The following ALDH1A3 variants were observed in gnomAD, a reference collection of about 807,000 sequenced individuals.
ALDH1A3 encodes the protein retinaldehyde dehydrogenase 3.
Under a neutral mutation model 57.5 loss-of-function variants are expected in ALDH1A3, and 28 were observed. That is an observed-to-expected ratio of 0.49 (90% CI 0.36 to 0.67). The LOEUF (loss-of-function observed/expected upper bound fraction) is 0.67. Ranked by LOEUF, ALDH1A3 falls within the 30% of genes least tolerant of loss-of-function variation. The pLI, the probability that ALDH1A3 is intolerant of heterozygous loss-of-function variation, is 0.00. For missense variants in ALDH1A3, 507 were observed against 669.4 expected, an observed-to-expected ratio of 0.76 and a Z score of 2.68; for synonymous variants, 281 against 264.8, an observed-to-expected ratio of 1.06 and a Z score of -0.59.
intron 3 of ALDH1A3, among the ~76,000 whole-genome samples, chr15:100,888,075 G>A (rs573955429): frequency 6.6e-6 from 1 of 152,120 alleles, no homozygotes; most frequent in South Asian, 2.1e-4. Flanking sequence ...TTTCTTTTTT[G>A]TATAAACTTC....
At position 100,894,365 on chromosome 15, in the gene ALDH1A3, AG is replaced by A. The variant is rs4646667; in HGVS notation, c.666+290del. The A allele has an allele frequency of 1.8e-5, 5 of 274,656 alleles. No individual in the cohort carries two copies. The highest frequency in any genetic ancestry group is 2.7e-5 in the Non-Finnish European group (4 of 145,612). 17.0% of individuals were successfully genotyped at this position (274,656 alleles called of 1,614,324 possible). ...CCAGTGGTTTGTCTAGAGAATTTTCAGGGGGGGTCAACCAAGAGGGAGCCAA... is the reference window on the plus strand; with the variant it reads ...CCAGTGGTTTGTCTAGAGAATTTTCAGGGGGGTCAACCAAGAGGGAGCCAA... On this transcript the variant is annotated intron_variant, in intron 6 of 12. Coordinates refer to ENST00000329841, the MANE Select transcript of ALDH1A3 (RefSeq NM_000693.4). The surrounding 1 kb of genome is among the most constrained non-coding windows in gnomAD (Gnocchi z 4.5).
chr15:100,908,259 G>T (rs564388947), intron 11 of ALDH1A3, 149 bp from the exon 12 acceptor site: 2 of 646,308 alleles, frequency 3.1e-6, no homozygotes, highest in Non-Finnish European at 5.3e-6. Context: ...GAAGACAAAA[G>T]TTGAGAGCAC....
chr15:100,897,594 C>T (rs550211044), intron 7 of ALDH1A3, among the ~76,000 whole-genome samples: 5 of 152,254 alleles, frequency 3.3e-5, no homozygotes, highest in Non-Finnish European at 5.9e-5. Flanking sequence ...TGGCTGCCCT[C>T]GCTACTTCTC....
chr15:100,893,449 T>A lies in ALDH1A3; in HGVS notation c.537+443T>A. ...GCAGGAGCAAAAGTGAGGAAAAGGG[T>A]GAGCACACGTGGCAGGTGGTGTGGG... On this transcript the variant is annotated intron_variant, in intron 5 of 12. Transcript: ENST00000329841. This position sits in a 1 kb window ranked among gnomAD's most constrained non-coding sequence, Gnocchi z 4.8. 5.8e-6 allele frequency: 1 copy of A among 173,070 alleles called. No individual in the cohort carries two copies. The highest frequency in any genetic ancestry group is 1.2e-5 in the Non-Finnish European group (1 of 81,406). 10.7% of individuals were successfully genotyped at this position (173,070 alleles called of 1,614,324 possible). A position where few individuals can be genotyped will look rare whatever the true frequency, so the allele number is the denominator to read the frequency against.
intron 12 of ALDH1A3, among the ~76,000 whole-genome samples, chr15:100,912,038 C>T (rs536893448): frequency 6.6e-6 from 1 of 152,282 alleles, no homozygotes; most frequent in East Asian, 1.9e-4. Context: ...GAAATGGGAG[C>T]AAGCTACATT....
chr15:100,892,391 G>A, intron 3 of ALDH1A3, 119 bp from the exon 4 acceptor site: 1 of 1,332,414 alleles, frequency 7.5e-7, no homozygotes, highest in Non-Finnish European at 1.0e-6. Flanking sequence ...ATCTGACTGT[G>A]AGGTCTACAG....
chr15:100,893,256 C>A lies in ALDH1A3; in HGVS notation c.537+250C>A. 2.5e-6 allele frequency: 1 copy of A among 395,370 alleles called. No individual in the cohort carries two copies. Among genetic ancestry groups the A allele is most frequent in the Non-Finnish European group, 4.5e-6 (1 of 222,558 alleles). 24.5% of individuals were successfully genotyped at this position (395,370 alleles called of 1,614,324 possible). On this transcript the variant is annotated intron_variant, in intron 5 of 12. Coordinates refer to ENST00000329841, the MANE Select transcript of ALDH1A3 (RefSeq NM_000693.4). The surrounding 1 kb of genome is among the most constrained non-coding windows in gnomAD (Gnocchi z 4.8). The stretch of plus-strand genomic sequence containing the variant: ...TCCCAGCCAGAGTGGTCAGGAATGG[C>A]CAGCATTCCCAGGAAGGTGGTCTCT...
At chr15:100,913,441 A>G (rs949467102) in intron 12 of ALDH1A3, 3 of 152,172 alleles carry the variant, frequency 2.0e-5, no homozygotes, top group East Asian at 1.9e-4. Flanking sequence ...TGGTGGCCCC[A>G]TCCTCCATCT....
rs920163356 is a variant in ALDH1A3, at chr15:100,887,375, G to A, written c.205-197G>A. Among the ~76,000 whole-genome samples the A allele has an allele frequency of 8.3e-5, 12 of 144,716 alleles. No homozygotes were observed. Among genetic ancestry groups the A allele is most frequent in the African/African-American group, 2.7e-4 (11 of 40,610 alleles). The allele number at this position is 144,716 out of a possible 152,430, so 94.9% of individuals were successfully genotyped here. ...CTCAAAAGATGACACCCAAACTGCA[G>A]TCACCTCAAAAGATGACACCGAAAC... is the stretch of plus-strand genomic sequence containing the variant. On this transcript the variant is annotated intron_variant, in intron 2 of 12. Transcript: ENST00000329841. This position sits in a 1 kb window ranked among gnomAD's most constrained non-coding sequence, Gnocchi z 4.6.
rs756182131 is a variant in ALDH1A3, at chr15:100,914,824, T to A, written c.*51T>A. 4 of 1,560,818 alleles carry A rather than the reference T, an allele frequency of 2.6e-6. No individual in the cohort carries two copies. Among genetic ancestry groups the A allele is most frequent in the Non-Finnish European group, 3.5e-6 (4 of 1,134,556 alleles). Reference sequence around the variant, plus strand: ...ACATCGGACGGCGGAATGTGGCAGATGAAATGTGCTGGAGGAAAAAAATGA... The same window carrying A: ...ACATCGGACGGCGGAATGTGGCAGAAGAAATGTGCTGGAGGAAAAAAATGA... On this transcript the variant is annotated 3_prime_UTR_variant, in exon 13 of 13. Transcript: ENST00000329841.
intron 7 of ALDH1A3, 83 bp from the exon 8 acceptor site, chr15:100,898,000 G>A: frequency 7.3e-7 from 1 of 1,364,936 alleles, no homozygotes. Context: ...ACCCGGGCTT[G>A]ATCAGAATGT....
In ALDH1A3 at chr15:100,885,356, GGAA is replaced by G. The variant is rs776376945; in HGVS notation, c.194_196del (p.Glu65del). The G allele has an allele frequency of 3.7e-6, 6 of 1,610,286 alleles. No individual in the cohort carries two copies. The highest frequency in any genetic ancestry group is 3.3e-5 in the Admixed American group (2 of 60,020). On this transcript the variant is annotated inframe_deletion, in exon 2 of 13. Transcript: ENST00000329841. ...CAACTCGGGAGCAAATATGTGAAGT[GGAA>G]GAAGGAGATAAGGTAAATACTTAAA... is the stretch of plus-strand genomic sequence containing the variant.
At position 100,887,496 on chromosome 15, in the gene ALDH1A3, T is replaced by G. The variant is rs188711226; in HGVS notation, c.205-76T>G. 1,324 of 1,438,316 alleles carry G rather than the reference T, an allele frequency of 9.2e-4. 1 individual carries two copies. The highest frequency in any genetic ancestry group is 1.2e-3 in the Middle Eastern group (6 of 5,214). The allele number at this position is 1,438,316 out of a possible 1,614,324, so 89.1% of individuals were successfully genotyped here. ...TCAAAAGATGACACCCAAACTTCAGTCACGTCAAAAGATGACACCCAAACT... is the reference window on the plus strand; with the variant it reads ...TCAAAAGATGACACCCAAACTTCAGGCACGTCAAAAGATGACACCCAAACT... On this transcript the variant is annotated intron_variant, in intron 2 of 12. Transcript: ENST00000329841. The surrounding 1 kb of genome is among the most constrained non-coding windows in gnomAD (Gnocchi z 4.6).
chr15:100,892,152 A>G (rs1376096913), intron 3 of ALDH1A3: 3 of 245,274 alleles, frequency 1.2e-5, no homozygotes. Context: ...GACTGGCCAC[A>G]CAGCAGAGGC....
intron 6 of ALDH1A3, 114 bp from the exon 7 acceptor site, chr15:100,895,819 C>G (rs2041696609): frequency 2.2e-6 from 2 of 913,708 alleles, no homozygotes; most frequent in Non-Finnish European, 3.4e-6. Context: ...TAAATCCAGC[C>G]CGGCCCGGGT....
At chr15:100,899,686 G>C (rs2041746584) in intron 8 of ALDH1A3, among the ~76,000 whole-genome samples, 1 of 152,158 alleles carries the variant, frequency 6.6e-6, no homozygotes, top group Non-Finnish European at 1.5e-5. Context: ...GCCAGCTGCA[G>C]GGGTCAAGGG....
At chr15:100,898,241 C>T in intron 8 of ALDH1A3, 56 bp downstream of exon 8, 1 of 1,487,432 alleles carries the variant, frequency 6.7e-7, no homozygotes, top group Non-Finnish European at 9.3e-7. Context: ...ATCTGTCTCC[C>T]CCTACTTCCT....
chr15:100,897,941 G>A (rs1237158512), intron 7 of ALDH1A3, 142 bp from the exon 8 acceptor site: 2 of 657,348 alleles, frequency 3.0e-6, no homozygotes, highest in Non-Finnish European at 5.5e-6. Context: ...TGAAGGGACG[G>A]CATCGGGGCC....
intron 12 of ALDH1A3, among the ~76,000 whole-genome samples, chr15:100,912,813 C>T (rs776043572): frequency 6.6e-6 from 1 of 152,126 alleles, no homozygotes; most frequent in Non-Finnish European, 1.5e-5. Context: ...AGTTCTAAGC[C>T]AGTGGTTCTC....
Sources: allele counts gnomAD v4.1 joint callset (sites outside exome capture counted in the v4.1 genomes callset), GRCh38; gene constraint gnomAD v4.1.1; non-coding constraint Gnocchi (gnomAD v3.1); transcripts MANE v1.5; gene names NCBI Gene and HGNC (gene_info 2026-07-23, HGNC 2026-07-21).